ZFPM1: variants seen among roughly 807,000 people sequenced by gnomAD.
ZFPM1 encodes the protein zinc finger protein ZFPM1.
In ZFPM1, 28 loss-of-function variants were observed where a neutral mutation model predicts 46.3. That is an observed-to-expected ratio of 0.60 (90% CI 0.45 to 0.83). ZFPM1 has a LOEUF of 0.83. ZFPM1 is among the 40% of genes least tolerant of loss of function. ZFPM1 has a pLI of 0.00. For synonymous variants in ZFPM1, 957 were observed against 675.9 expected, an observed-to-expected ratio of 1.42 and a Z score of -6.45; for missense variants, 1,878 against 1,432.4, an observed-to-expected ratio of 1.31 and a Z score of -5.02.
At chr16:88,470,333 C>T (rs1908357144) in intron 1 of ZFPM1, among the ~76,000 whole-genome samples, 1 of 152,230 alleles carries the variant, frequency 6.6e-6, no homozygotes, top group Non-Finnish European at 1.5e-5. Flanking sequence ...CTCTCCAAAC[C>T]TGTACTGAGT....
chr16:88,534,957 A>G lies in ZFPM1; in HGVS notation c.2999A>G (p.His1000Arg), dbSNP rs1175234378. 1.3e-6 allele frequency: 2 copies of G among 1,501,670 alleles called. No homozygotes were observed. The highest frequency in any genetic ancestry group is 1.2e-5 in the South Asian group (1 of 81,176). 93.0% of individuals were successfully genotyped at this position (1,501,670 alleles called of 1,614,324 possible). The change falls in exon 10 of 10, where the codon CAC becomes CGC. Residue 1000 changes from histidine (H) to arginine (R), a missense_variant. By Grantham distance (29) the His-to-Arg change is conservative. Transcript: ENST00000319555. Reference protein sequence around the residue: ...IAHKKYYCSSHAAEHVK With the variant: ...IAHKKYYCSSRAAEHVK ...CACAAGAAGTATTACTGCTCCTCGC[A>G]CGCCGCCGAGCACGTGAAGTGAGCG...
intron 7 of ZFPM1, 92 bp from the exon 8 acceptor site, chr16:88,532,522 G>C (rs750424271): frequency 3.6e-5 from 48 of 1,350,300 alleles, no homozygotes; most frequent in Non-Finnish European, 4.5e-5. Flanking sequence ...CCCCGGCACA[G>C]ATCACGGCCC....
intron 1 of ZFPM1, among the ~76,000 whole-genome samples, chr16:88,470,902 C>T (rs950472732): frequency 3.3e-5 from 5 of 152,064 alleles, no homozygotes; most frequent in African/African-American, 7.3e-5. Context: ...CCTCGCCGAG[C>T]GCACAGTGGG....
At chr16:88,478,046 G>T (rs73257668) in intron 1 of ZFPM1, among the ~76,000 whole-genome samples, 1 of 152,324 alleles carries the variant, frequency 6.6e-6, no homozygotes, top group Non-Finnish European at 1.5e-5. Context: ...GGCAGGGTGT[G>T]TGGGAGCTCT....
At chr16:88,532,477 G>A in intron 7 of ZFPM1, 137 bp from the exon 8 acceptor site, 1 of 940,296 alleles carries the variant, frequency 1.1e-6, no homozygotes, top group Non-Finnish European at 1.6e-6. Context: ...CGGAGGAGGA[G>A]GAGGAGGGGT....
intron 3 of ZFPM1, among the ~76,000 whole-genome samples, chr16:88,491,971 G>A (rs1467530526): frequency 1.3e-5 from 2 of 152,258 alleles, no homozygotes; most frequent in South Asian, 2.1e-4. Flanking sequence ...CCAGGTGACC[G>A]GTCCAGTGGC....
intron 1 of ZFPM1, 32 bp downstream of exon 1, chr16:88,453,710 C>A (rs1456090824): frequency 9.4e-6 from 11 of 1,171,590 alleles, no homozygotes; most frequent in South Asian, 2.2e-5. Context: ...GTCCCCTCCG[C>A]GCGCCCGACC....
intron 1 of ZFPM1, among the ~76,000 whole-genome samples, chr16:88,470,280 G>A (rs540825854): frequency 6.6e-6 from 1 of 152,194 alleles, no homozygotes; most frequent in Non-Finnish European, 1.5e-5. Context: ...TGCTGGACGG[G>A]TTGGGGCGGG....
chr16:88,499,988 G>T (rs2142397908), intron 3 of ZFPM1, among the ~76,000 whole-genome samples: 1 of 152,344 alleles, frequency 6.6e-6, no homozygotes, highest in Non-Finnish European at 1.5e-5. Flanking sequence ...CGGGGGCCGG[G>T]CCTGGCTGCC....
At chr16:88,522,436 G>T (rs930137186) in intron 4 of ZFPM1, among the ~76,000 whole-genome samples, 11 of 152,218 alleles carry the variant, frequency 7.2e-5, no homozygotes, top group Non-Finnish European at 1.3e-4. Context: ...GCAGTGTCCT[G>T]GGGATGACCA....
intron 6 of ZFPM1, chr16:88,530,598 G>A (rs985557353): frequency 6.6e-6 from 1 of 152,272 alleles, no homozygotes; most frequent in Non-Finnish European, 1.5e-5. Flanking sequence ...GCGGGATGCA[G>A]AGGCACCTGC....
intron 5 of ZFPM1, among the ~76,000 whole-genome samples, 155 bp from the exon 6 acceptor site, chr16:88,527,877 G>C (rs931975567): frequency 6.6e-6 from 1 of 151,194 alleles, no homozygotes; most frequent in Non-Finnish European, 1.5e-5. Flanking sequence ...GGACCACCCA[G>C]CCTTGCCCCC....
upstream of ZFPM1, among the ~76,000 whole-genome samples, chr16:88,452,038 G>A (rs1395385812): frequency 6.6e-6 from 1 of 152,190 alleles, no homozygotes; most frequent in Non-Finnish European, 1.5e-5. Context: ...GGCGGGTGGT[G>A]TGACAGTCCT....
intron 1 of ZFPM1, among the ~76,000 whole-genome samples, chr16:88,455,177 T>G (rs967371279): frequency 1.4e-5 from 2 of 143,542 alleles, no homozygotes; most frequent in Admixed American, 1.4e-4. Context: ...GTGTGTGGTG[T>G]TTCACTGTGA....
intron 3 of ZFPM1, among the ~76,000 whole-genome samples, chr16:88,507,597 G>A (rs1402937571): frequency 6.6e-6 from 1 of 152,216 alleles, no homozygotes; most frequent in Non-Finnish European, 1.5e-5. Flanking sequence ...ACTGTCCATA[G>A]CCTGGGTTGG....
intron 1 of ZFPM1, among the ~76,000 whole-genome samples, chr16:88,466,698 C>G (rs1030836364): frequency 1.3e-5 from 2 of 152,090 alleles, no homozygotes; most frequent in Admixed American, 6.5e-5. Context: ...TTCTTTCTAA[C>G]TTTTGGGTTT....
At chr16:88,506,935 C>T (rs1910694731) in intron 3 of ZFPM1, among the ~76,000 whole-genome samples, 1 of 152,250 alleles carries the variant, frequency 6.6e-6, no homozygotes, top group South Asian at 2.1e-4. Context: ...GCGCATGTCA[C>T]GTTGTTCCTT....
chr16:88,453,288 A>G lies in ZFPM1; in HGVS notation c.-351A>G, dbSNP rs1339493669. 1 of 145,866 alleles carries G rather than the reference A, an allele frequency of 6.9e-6. No individual in the cohort carries two copies. The highest frequency in any genetic ancestry group is 2.0e-4 in the East Asian group (1 of 4,914). 9.0% of individuals were successfully genotyped at this position (145,866 alleles called of 1,614,324 possible). ...CCCCGCCCCGTGCCTCCAGCCCGCCAGGAGCGCCCTCGCAGTGGCCGCCTG... is the reference window on the plus strand; with the variant it reads ...CCCCGCCCCGTGCCTCCAGCCCGCCGGGAGCGCCCTCGCAGTGGCCGCCTG... On this transcript the variant is annotated 5_prime_UTR_variant, in exon 1 of 10. Coordinates refer to ENST00000319555, the MANE Select transcript of ZFPM1 (RefSeq NM_153813.3).
chr16:88,491,716 G>A (rs1349561030), intron 3 of ZFPM1, among the ~76,000 whole-genome samples: 1 of 152,222 alleles, frequency 6.6e-6, no homozygotes, highest in African/African-American at 2.4e-5. Flanking sequence ...TTCCTGTGCT[G>A]TGTGCATCCT....
Sources: gnomAD v4.1 joint callset for allele counts (sites outside exome capture counted in the v4.1 genomes callset) on GRCh38, gnomAD v4.1.1 for gene constraint, MANE v1.5 for transcripts, NCBI Gene and HGNC (gene_info 2026-07-23, HGNC 2026-07-21) for gene names.